Variants in MPPED2 observed in about 807,000 individuals in gnomAD.
MPPED2 encodes the protein metallophosphoesterase MPPED2.
MPPED2 carries 5 observed loss-of-function variants against 33.0 expected under a neutral mutation model. The ratio of observed to expected loss-of-function variants is 0.15; its 90% CI spans 0.08 to 0.32. The LOEUF is 0.32. Among genes scored for constraint, MPPED2 ranks in the 10% least tolerant of loss-of-function variants. The pLI is 1.00. For missense variants in MPPED2, 275 were observed against 372.1 expected (o/e 0.74, Z 2.15); for synonymous variants, 136 against 141.9 (o/e 0.96, Z 0.29).
intron 4 of MPPED2, among the ~76,000 whole-genome samples, chr11:30,480,336 TTTTC>T (rs1951423842): frequency 6.6e-6 from 1 of 152,240 alleles, no homozygotes; most frequent in African/African-American, 2.4e-5. Flanking sequence ...TGACATTTTC[TTTTC>T]TTTCTTTTTT....
chr11:30,503,378 A>G (rs1952657852), intron 3 of MPPED2, among the ~76,000 whole-genome samples: 1 of 152,218 alleles, frequency 6.6e-6, no homozygotes, highest in Admixed American at 6.5e-5. Flanking sequence ...ACAGACTAAT[A>G]CAGCCTGCCA....
chr11:30,499,556 T>C (rs1224208886), intron 3 of MPPED2, among the ~76,000 whole-genome samples: 1 of 152,126 alleles, frequency 6.6e-6, no homozygotes, highest in Non-Finnish European at 1.5e-5. Context: ...TTTCCAGGCA[T>C]CTCCTCTCTT....
At chr11:30,495,255 G>T in intron 4 of MPPED2, 41 bp downstream of exon 4, 1 of 1,394,686 alleles carries the variant, frequency 7.2e-7, no homozygotes, top group East Asian at 2.3e-5. Flanking sequence ...TTGGTACTGA[G>T]CTAAAAAGCA....
At chr11:30,527,587 G>C (rs1377478092) in intron 3 of MPPED2, among the ~76,000 whole-genome samples, 1 of 152,080 alleles carries the variant, frequency 6.6e-6, no homozygotes, top group Admixed American at 6.5e-5. Flanking sequence ...CTGCTGCCCT[G>C]CTTCTGTGGT....
In MPPED2 at chr11:30,411,516, C is replaced by T. The variant is rs75132287; in HGVS notation, c.837G>A (p.Pro279=). 0.012 allele frequency: 18,817 copies of T among 1,613,662 alleles called. 164 individuals carry two copies. The highest frequency in any genetic ancestry group is 0.021 in the South Asian group (1,909 of 91,000). The change falls in exon 7 of 7, where the codon CCG becomes CCA. Residue 279 remains proline (P), a synonymous_variant. Transcript: ENST00000358117. ...NASTCTVSFQ[P]TNPPIIFDLP... ...GGTCAAATATAATTGGAGGGTTGGT[C>T]GGTTGAAAGCTGACTGTACACGTCG...
At chr11:30,409,225 A>G (rs1300291014), downstream of MPPED2, among the ~76,000 whole-genome samples, 1 of 152,162 alleles carries the variant, frequency 6.6e-6, no homozygotes, top group East Asian at 1.9e-4. Context: ...TACACTAACC[A>G]GGTGAAATTT....
chr11:30,477,903 T>C (rs554806314), intron 4 of MPPED2, among the ~76,000 whole-genome samples: 39 of 152,246 alleles, frequency 2.6e-4, no homozygotes, highest in African/African-American at 9.1e-4. Context: ...TTGTAGAATA[T>C]ACACAAAGAA....
chr11:30,580,514 T>C lies in MPPED2; in HGVS notation c.-121-20A>G. 7.1e-7 allele frequency: 1 copy of C among 1,414,364 alleles called. No homozygotes were observed. The highest frequency in any genetic ancestry group is 9.3e-7 in the Non-Finnish European group (1 of 1,080,194). 87.6% of individuals were successfully genotyped at this position (1,414,364 alleles called of 1,614,324 possible). On this transcript the variant is annotated intron_variant, in intron 1 of 6. Coordinates refer to ENST00000358117, the MANE Select transcript of MPPED2 (RefSeq NM_001584.3). ...GCATTTCTGAAAGAAAAAAAAAATG[T>C]ATATAAAATGAGAACAAAGAGAAAA...
At chr11:30,546,999 T>C (rs553967986) in intron 2 of MPPED2, among the ~76,000 whole-genome samples, 1 of 152,300 alleles carries the variant, frequency 6.6e-6, no homozygotes, top group East Asian at 1.9e-4. Flanking sequence ...GAAAGACTAC[T>C]TTCTTCCCTC....
intron 3 of MPPED2, among the ~76,000 whole-genome samples, chr11:30,530,868 G>A (rs1954483024): frequency 6.6e-6 from 1 of 152,220 alleles, no homozygotes; most frequent in Admixed American, 6.5e-5. Flanking sequence ...GGGCCAACGT[G>A]CAGGAAGAAC....
chr11:30,459,856 G>A (rs1286390968), intron 4 of MPPED2, among the ~76,000 whole-genome samples: 1 of 152,200 alleles, frequency 6.6e-6, no homozygotes, highest in East Asian at 1.9e-4. Context: ...CCCAAAGGTG[G>A]CAACTGTTTT....
chr11:30,410,207 C>T (rs1014812953), downstream of MPPED2: 6 of 985,640 alleles, frequency 6.1e-6, no homozygotes, highest in African/African-American at 1.0e-4. Flanking sequence ...ACCATCCAAC[C>T]CTCTAAACAG....
chr11:30,532,226 G>A (rs1175426664), intron 3 of MPPED2, among the ~76,000 whole-genome samples: 1 of 152,088 alleles, frequency 6.6e-6, no homozygotes, highest in African/African-American at 2.4e-5. Context: ...ATCCCAACTT[G>A]GCTATTAATT....
chr11:30,446,983 T>C (rs982421683), intron 4 of MPPED2, among the ~76,000 whole-genome samples: 27 of 152,204 alleles, frequency 1.8e-4, no homozygotes. Context: ...TTGGGTGTTC[T>C]AGCAGGGAAG....
chr11:30,553,177 C>T (rs1459503689), intron 2 of MPPED2, among the ~76,000 whole-genome samples: 1 of 152,148 alleles, frequency 6.6e-6, no homozygotes, highest in Non-Finnish European at 1.5e-5. Context: ...TCCATCACCA[C>T]TCAACACCAT....
At chr11:30,574,006 G>A (rs1472946463) in intron 2 of MPPED2, among the ~76,000 whole-genome samples, 1 of 152,152 alleles carries the variant, frequency 6.6e-6, no homozygotes, top group Non-Finnish European at 1.5e-5. Flanking sequence ...AAATTAAAAA[G>A]CGTATAAAGT....
At chr11:30,531,359 T>C (rs182264905) in intron 3 of MPPED2, among the ~76,000 whole-genome samples, 3 of 152,232 alleles carry the variant, frequency 2.0e-5, no homozygotes, top group East Asian at 3.9e-4. Context: ...GACTGGGATG[T>C]CTGATTAGCC....
At chr11:30,510,742 AGC>A (rs1475726498) in intron 3 of MPPED2, among the ~76,000 whole-genome samples, 2 of 152,136 alleles carry the variant, frequency 1.3e-5, no homozygotes, top group Non-Finnish European at 1.5e-5. Flanking sequence ...ATTACTTTGG[AGC>A]GTTCTGACCG....
At chr11:30,500,983 T>C (rs1952533078) in intron 3 of MPPED2, among the ~76,000 whole-genome samples, 1 of 152,200 alleles carries the variant, frequency 6.6e-6, no homozygotes, top group Non-Finnish European at 1.5e-5. Flanking sequence ...TCCTGTTCCT[T>C]CTCCCCAACA....
Sources: allele counts gnomAD v4.1 joint callset (sites outside exome capture counted in the v4.1 genomes callset), GRCh38; gene constraint gnomAD v4.1.1; transcripts MANE v1.5; gene names NCBI Gene and HGNC (gene_info 2026-07-23, HGNC 2026-07-21).